The following ZNF705D variants were observed in gnomAD, a reference collection of about 807,000 sequenced individuals.
ZNF705D encodes putative zinc finger protein 705C.
For missense variants in ZNF705D, 6 were observed against 129.4 expected (o/e 0.05, Z 4.63); for synonymous variants, 1 against 43.8 (o/e 0.02, Z 3.86).
chr8:12,105,667 G>A (rs1368926437), upstream of ZNF705D, among the ~76,000 whole-genome samples: 1 of 54,800 alleles, frequency 1.8e-5, no homozygotes, highest in Non-Finnish European at 3.5e-5. Flanking sequence ...AACCCAGGAG[G>A]TGGAGGTTGC....
the ZNF705D span, among the ~76,000 whole-genome samples, chr8:12,090,120 T>C: frequency 2.3e-5 from 2 of 88,684 alleles, 1 homozygote; most frequent in Non-Finnish European, 5.3e-5. Flanking sequence ...AGAGAGGTTC[T>C]TCTCCCTGTG....
At chr8:12,107,675 A>G (rs1179822268), upstream of ZNF705D, among the ~76,000 whole-genome samples, 6 of 71,558 alleles carry the variant, frequency 8.4e-5, 2 homozygotes, top group Admixed American at 5.4e-4. Flanking sequence ...GTGAAAATAA[A>G]AGTGGAGTAA....
chr8:12,089,960 A>G, the ZNF705D span, among the ~76,000 whole-genome samples: 1 of 50,356 alleles, frequency 2.0e-5, no homozygotes, highest in African/African-American at 3.3e-5. Flanking sequence ...TGGCTTGAAA[A>G]CTTACCTGAG....
At chr8:12,109,044 G>A (rs1426532368) in intron 1 of ZNF705D, among the ~76,000 whole-genome samples, 13 of 91,436 alleles carry the variant, frequency 1.4e-4, no homozygotes, top group African/African-American at 4.0e-4. Context: ...AACAAGTGAA[G>A]TGAGAAGGTC....
chr8:12,105,896 A>G (rs1337895473), upstream of ZNF705D, among the ~76,000 whole-genome samples: 4 of 29,550 alleles, frequency 1.4e-4, no homozygotes, highest in Admixed American at 6.1e-4. Flanking sequence ...AAAATTTTAG[A>G]CCTATAACAT....
chr8:12,106,343 CAT>C (rs1802212534), upstream of ZNF705D, among the ~76,000 whole-genome samples: 3 of 109,080 alleles, frequency 2.8e-5, no homozygotes, highest in African/African-American at 7.7e-5. Flanking sequence ...CAGATGGAGT[CAT>C]ATGTTACTGG....
At chr8:12,103,083 G>C (rs1802155828), upstream of ZNF705D, among the ~76,000 whole-genome samples, 2 of 88,710 alleles carry the variant, frequency 2.3e-5, no homozygotes, top group South Asian at 6.0e-4. Context: ...CCATGTCTTT[G>C]CTATACGACC....
the ZNF705D span, among the ~76,000 whole-genome samples, chr8:12,089,989 G>T: frequency 5.1e-5 from 3 of 58,526 alleles, no homozygotes; most frequent in African/African-American, 9.5e-5. Context: ...CCTCCCGACT[G>T]ACAAAGAAAT....
chr8:12,089,691 A>G, the ZNF705D span, among the ~76,000 whole-genome samples: 2 of 55,682 alleles, frequency 3.6e-5, no homozygotes, highest in African/African-American at 7.1e-5. Context: ...AAGGACCATC[A>G]GGTGGGGGTG....
chr8:12,105,864 A>AT (rs1371098729), upstream of ZNF705D, among the ~76,000 whole-genome samples: 1 of 29,856 alleles, frequency 3.3e-5, no homozygotes, highest in Non-Finnish European at 6.3e-5. Flanking sequence ...TTGTCAATAC[A>AT]TTTTTTTTCC....
At chr8:12,091,796 T>TTG in the ZNF705D span, among the ~76,000 whole-genome samples, 18 of 27,002 alleles carry the variant, frequency 6.7e-4, 3 homozygotes, top group South Asian at 0.052. Flanking sequence ...TTTTTTTTTT[T>TTG]TTGTTTTTTT....
rs1802249767 is a variant in ZNF705D at position 12,109,519 on chromosome 8, C to T, written c.13-381C>T. ...CAGTCATGTTTAAAAAGTAGTAAAT[C>T]ATGGTTATTTGCCTTGTGACAAATC... On this transcript the variant is annotated intron_variant, in intron 1 of 4. Coordinates refer to ENST00000400078, the Ensembl canonical transcript of ZNF705D. Among the ~76,000 whole-genome samples, 2 of 76,414 alleles carry T rather than the reference C, an allele frequency of 2.6e-5. 1 individual carries two copies. Among genetic ancestry groups the T allele is most frequent in the Non-Finnish European group, 6.5e-5 (2 of 30,794 alleles). 50.1% of individuals were successfully genotyped at this position (76,414 alleles called of 152,430 possible).
At chr8:12,095,087 G>C in the ZNF705D span, 9 of 33,816 alleles carry the variant, frequency 2.7e-4, no homozygotes, top group African/African-American at 7.5e-4. Flanking sequence ...ATCCCTGTGA[G>C]AAAAATGGAG....
intron 1 of ZNF705D, among the ~76,000 whole-genome samples, chr8:12,109,350 T>C (rs1802247200): frequency 2.3e-5 from 2 of 86,372 alleles, no homozygotes; most frequent in African/African-American, 3.0e-5. Flanking sequence ...AAGGGACCAA[T>C]GACTTATATT....
chr8:12,109,479 T>C (rs1035172108), intron 1 of ZNF705D, among the ~76,000 whole-genome samples: 1 of 84,854 alleles, frequency 1.2e-5, no homozygotes, highest in African/African-American at 3.0e-5. Context: ...TCTAGAGAAA[T>C]AATTTATTTC....
At chr8:12,090,118 T>C in the ZNF705D span, among the ~76,000 whole-genome samples, 2 of 88,328 alleles carry the variant, frequency 2.3e-5, 1 homozygote, top group Non-Finnish European at 5.3e-5. Context: ...CTAGAGAGGT[T>C]CTTCTCCCTG....
intron 1 of ZNF705D, among the ~76,000 whole-genome samples, chr8:12,109,343 G>A (rs1261055778): frequency 8.5e-5 from 7 of 82,680 alleles, no homozygotes; most frequent in South Asian, 6.3e-4. Flanking sequence ...AATGAATAAG[G>A]GACCAATGAC....
upstream of ZNF705D, among the ~76,000 whole-genome samples, chr8:12,100,716 A>G (rs1802142178): frequency 4.4e-4 from 2 of 4,590 alleles, 1 homozygote; most frequent in African/African-American, 5.1e-4. Context: ...ATAAAGGAGC[A>G]TATGTTCTCT....
the ZNF705D span, among the ~76,000 whole-genome samples, chr8:12,095,493 T>A: frequency 5.7e-5 from 1 of 17,618 alleles, no homozygotes; most frequent in Non-Finnish European, 3.4e-4. Context: ...AAATCTGCTG[T>A]CACACAAAAA....
Sources: allele counts gnomAD v4.1 joint callset (sites outside exome capture counted in the v4.1 genomes callset), GRCh38; gene constraint gnomAD v4.1.1; transcripts MANE v1.5; gene names NCBI Gene and HGNC (gene_info 2026-07-23, HGNC 2026-07-21).